The following TAS2R1 variants were observed in gnomAD, a reference collection of about 807,000 sequenced individuals.
TAS2R1 encodes the protein taste receptor type 2 member 1.
For missense variants in TAS2R1, 370 were observed against 353.4 expected, an observed-to-expected ratio of 1.05 and a Z score of -0.38; for synonymous variants, 141 against 134.2, an observed-to-expected ratio of 1.05 and a Z score of -0.35.
chr5:9,768,051 G>A, the TAS2R1 span, among the ~76,000 whole-genome samples: 3 of 151,466 alleles, frequency 2.0e-5, no homozygotes, highest in Non-Finnish European at 4.4e-5. Flanking sequence ...TCTCTCTCCT[G>A]CCCCCACCCT....
the TAS2R1 span, chr5:9,903,509 T>A: frequency 6.6e-6 from 1 of 152,048 alleles, no homozygotes; most frequent in African/African-American, 2.4e-5. Context: ...CAAAGTCCAT[T>A]GTATCATTTT....
the TAS2R1 span, among the ~76,000 whole-genome samples, chr5:9,899,995 A>G: frequency 2.0e-5 from 3 of 152,208 alleles, no homozygotes; most frequent in East Asian, 5.8e-4. Context: ...ATAAGTCTCC[A>G]TTTCTCTAAG....
chr5:9,754,048 G>A, the TAS2R1 span, among the ~76,000 whole-genome samples: 4 of 152,232 alleles, frequency 2.6e-5, no homozygotes, highest in Admixed American at 6.5e-5. Context: ...ACATCAAAAA[G>A]CTTATCCACC....
chr5:9,861,037 G>GGTTTTTTTTTTTTTTTTTTTTTTTT, the TAS2R1 span, among the ~76,000 whole-genome samples: 6 of 88,628 alleles, frequency 6.8e-5, 1 homozygote, highest in African/African-American at 2.6e-4. Context: ...GGAAGATGAG[G>GGTTTTTTTTTTTTTTTTTTTTTTTT]TTTTTTTTTT....
chr5:9,899,226 A>T, the TAS2R1 span, among the ~76,000 whole-genome samples: 5 of 152,212 alleles, frequency 3.3e-5, no homozygotes, highest in Non-Finnish European at 4.4e-5. Flanking sequence ...TCAGAGGGAC[A>T]GGAGTGACTA....
intron 2 of TAS2R1, among the ~76,000 whole-genome samples, chr5:9,646,438 G>T (rs913357032): frequency 1.3e-5 from 2 of 152,140 alleles, no homozygotes; most frequent in Non-Finnish European, 2.9e-5. Context: ...TTGCATATAT[G>T]TGGCTGCACA....
chr5:9,750,998 T>C, the TAS2R1 span, among the ~76,000 whole-genome samples: 2 of 151,750 alleles, frequency 1.3e-5, no homozygotes, highest in Admixed American at 1.3e-4. Flanking sequence ...GAGGTAGGTG[T>C]AATACTAGCT....
the TAS2R1 span, among the ~76,000 whole-genome samples, chr5:9,721,669 T>C: frequency 2.0e-5 from 3 of 152,212 alleles, no homozygotes; most frequent in East Asian, 5.8e-4. Flanking sequence ...TGATATTGAA[T>C]ATTGCAAATT....
chr5:9,762,009 C>T, the TAS2R1 span, among the ~76,000 whole-genome samples: 3 of 152,178 alleles, frequency 2.0e-5, no homozygotes, highest in African/African-American at 2.4e-5. Flanking sequence ...ACGAGCCTTG[C>T]ACCACCCACC....
At chr5:9,723,707 C>T in the TAS2R1 span, among the ~76,000 whole-genome samples, 1 of 152,236 alleles carries the variant, frequency 6.6e-6, no homozygotes, top group Admixed American at 6.5e-5. Context: ...CTCGCAGGCT[C>T]TCAGCTTTCT....
chr5:9,729,777 A>C, the TAS2R1 span, among the ~76,000 whole-genome samples: 1 of 152,232 alleles, frequency 6.6e-6, no homozygotes, highest in African/African-American at 2.4e-5. Context: ...CAACAAGTGT[A>C]TCTGCCAATA....
chr5:9,802,135 A>G, the TAS2R1 span, among the ~76,000 whole-genome samples: 1 of 152,138 alleles, frequency 6.6e-6, no homozygotes, highest in Middle Eastern at 3.4e-3. Flanking sequence ...AAACCAACAC[A>G]CTAAACCAAA....
chr5:9,893,141 T>C, the TAS2R1 span, among the ~76,000 whole-genome samples: 14,333 of 151,916 alleles, frequency 0.094, 675 homozygotes, highest in African/African-American at 0.099. Flanking sequence ...GCTCAGGGAA[T>C]CTTTGCAAGT....
At chr5:9,726,215 G>A in the TAS2R1 span, among the ~76,000 whole-genome samples, 587 of 152,202 alleles carry the variant, frequency 3.9e-3, 4 homozygotes, top group African/African-American at 0.013. Context: ...TGCACCAATC[G>A]ACACTCTGTA....
chr5:9,845,722 G>A, the TAS2R1 span, among the ~76,000 whole-genome samples: 3 of 152,334 alleles, frequency 2.0e-5, no homozygotes, highest in East Asian at 3.9e-4. Flanking sequence ...CTAAATTAAG[G>A]ACCAAGTAAG....
At chr5:9,655,650 G>T (rs991477515) in intron 2 of TAS2R1, among the ~76,000 whole-genome samples, 16 of 151,982 alleles carry the variant, frequency 1.1e-4, no homozygotes, top group Non-Finnish European at 2.2e-4. Context: ...ATGTAAAAGG[G>T]TTTATAGAAA....
chr5:9,856,326 T>C, the TAS2R1 span, among the ~76,000 whole-genome samples: 20 of 151,850 alleles, frequency 1.3e-4, no homozygotes, highest in African/African-American at 4.6e-4. Context: ...CAGAGGTCAA[T>C]GCCCAGGCTG....
the TAS2R1 span, among the ~76,000 whole-genome samples, chr5:9,896,145 C>T: frequency 6.6e-6 from 1 of 152,218 alleles, no homozygotes; most frequent in Non-Finnish European, 1.5e-5. Context: ...CCTCCCCAGG[C>T]AACTTGGGTC....
At chr5:9,653,239 C>A (rs867328752) in intron 2 of TAS2R1, among the ~76,000 whole-genome samples, 2 of 152,044 alleles carry the variant, frequency 1.3e-5, no homozygotes, top group Non-Finnish European at 2.9e-5. Flanking sequence ...TTATCACCCA[C>A]GTTGTAACAT....
Sources: gnomAD v4.1 joint callset for allele counts (sites outside exome capture counted in the v4.1 genomes callset) on GRCh38, gnomAD v4.1.1 for gene constraint, MANE v1.5 for transcripts, NCBI Gene and HGNC (gene_info 2026-07-23, HGNC 2026-07-21) for gene names.